The following ZNF138 variants were observed in gnomAD, a reference collection of about 807,000 sequenced individuals.
The protein encoded by ZNF138 is zinc finger protein 138 (clone pHZ-32).
ZNF138 carries 33 observed loss-of-function variants against 33.0 expected under a neutral mutation model. The observed-to-expected ratio is 1.00, with a 90% CI of 0.76 to 1.34. ZNF138 has a LOEUF of 1.34. Among genes scored for constraint, ZNF138 ranks in the 40% most tolerant of loss-of-function variants. The pLI, the probability that ZNF138 is intolerant of heterozygous loss-of-function variation, is 0.00. For missense variants in ZNF138, 360 were observed against 370.8 expected, an observed-to-expected ratio of 0.97 and a Z score of 0.24; for synonymous variants, 139 against 120.4, an observed-to-expected ratio of 1.15 and a Z score of -1.01.
At chr7:64,831,333 G>A (rs1790060906) in intron 3 of ZNF138, 118 bp from the exon 4 acceptor site, 1 of 993,728 alleles carries the variant, frequency 1.0e-6, no homozygotes. Flanking sequence ...TAGAACCTGT[G>A]GTATTTTGCT....
Position 64,832,710 on chromosome 7 carries a change from C to G in ZNF138, c.*508C>G, listed in dbSNP as rs761944874. On this transcript the variant is annotated 3_prime_UTR_variant, in exon 4 of 4. Transcript: ENST00000307355. ...CAAGGTCTTTAAGAAGTCCTCAACT[C>G]TTACTGCACATAAGATCATTCATAC... is the stretch of plus-strand genomic sequence containing the variant. 2 of 435,704 alleles carry G rather than the reference C, an allele frequency of 4.6e-6. No individual in the cohort carries two copies. Among genetic ancestry groups the G allele is most frequent in the South Asian group, 1.8e-5 (1 of 54,414 alleles). The allele number at this position is 435,704 out of a possible 1,614,324, so 27.0% of individuals were successfully genotyped here. A position where few individuals can be genotyped will look rare whatever the true frequency, so the allele number is the denominator to read the frequency against.
At position 64,833,048 on chromosome 7, in the gene ZNF138, T is replaced by TA. The variant is rs564390717; in HGVS notation, c.*847dup. On this transcript the variant is annotated 3_prime_UTR_variant, in exon 4 of 4. Coordinates refer to ENST00000307355, the MANE Select transcript of ZNF138 (RefSeq NM_001271639.2). ...AAGCTTTTAACCAAGTCTCAACACTTACTATACATAAGATAATTTATACTG... is the reference window on the plus strand; with the variant it reads ...AAGCTTTTAACCAAGTCTCAACACTTAACTATACATAAGATAATTTATACTG... 1.0e-4 allele frequency: 40 copies of TA among 386,084 alleles called. No individual in the cohort carries two copies. Among genetic ancestry groups the TA allele is most frequent in the African/African-American group, 6.5e-4 (31 of 47,736 alleles). 23.9% of individuals were successfully genotyped at this position (386,084 alleles called of 1,614,324 possible).
intron 1 of ZNF138, among the ~76,000 whole-genome samples, chr7:64,801,268 AG>A (rs1345287702): frequency 6.6e-6 from 1 of 151,966 alleles, no homozygotes; most frequent in African/African-American, 2.4e-5. Flanking sequence ...TGTTAAATTG[AG>A]ATCTTTTTAA....
chr7:64,852,407 C>T, the ZNF138 span: 1 of 1,545,924 alleles, frequency 6.5e-7, no homozygotes, highest in Non-Finnish European at 8.8e-7. Flanking sequence ...AGAGGTGGCC[C>T]CGGGTGTGGG....
At chr7:64,817,053 T>G (rs1483004254) in intron 3 of ZNF138, among the ~76,000 whole-genome samples, 1 of 152,230 alleles carries the variant, frequency 6.6e-6, no homozygotes, top group Non-Finnish European at 1.5e-5. Flanking sequence ...GGTCTGCATA[T>G]GGTGGGCCTT....
intron 1 of ZNF138, among the ~76,000 whole-genome samples, chr7:64,798,059 G>T (rs1352575928): frequency 6.6e-6 from 1 of 152,128 alleles, no homozygotes; most frequent in East Asian, 1.9e-4. Flanking sequence ...TCATGCCACA[G>T]CCTCCTGAGA....
chr7:64,854,234 C>T, the ZNF138 span, among the ~76,000 whole-genome samples: 1 of 152,150 alleles, frequency 6.6e-6, no homozygotes, highest in Non-Finnish European at 1.5e-5. Flanking sequence ...CACACACACA[C>T]ATACATATGT....
intron 1 of ZNF138, among the ~76,000 whole-genome samples, chr7:64,808,119 C>CT (rs1355025128): frequency 6.6e-6 from 1 of 152,170 alleles, no homozygotes; most frequent in Admixed American, 6.5e-5. Context: ...CTAGGCATCT[C>CT]TGAGACATTT....
intron 1 of ZNF138, among the ~76,000 whole-genome samples, chr7:64,803,436 T>C (rs1464493581): frequency 6.6e-6 from 1 of 152,158 alleles, no homozygotes; most frequent in Non-Finnish European, 1.5e-5. Flanking sequence ...GAAAACAGAT[T>C]ATCCAAGGTA....
downstream of ZNF138, among the ~76,000 whole-genome samples, chr7:64,834,722 A>G (rs1179671220): frequency 1.3e-5 from 2 of 152,202 alleles, no homozygotes; most frequent in Admixed American, 1.3e-4. Context: ...GATGCATGAC[A>G]AAAGTCTAAG....
chr7:64,814,811 A>G (rs969109082), intron 1 of ZNF138, 107 bp from the exon 2 acceptor site: 1 of 1,428,344 alleles, frequency 7.0e-7, no homozygotes, highest in South Asian at 1.2e-5. Flanking sequence ...CCTGTAAGAC[A>G]TAATCAGTTT....
intron 1 of ZNF138, among the ~76,000 whole-genome samples, chr7:64,795,414 A>T (rs922581590): frequency 4.6e-5 from 7 of 152,090 alleles, no homozygotes; most frequent in Admixed American, 1.3e-4. Flanking sequence ...CCCATTTCCC[A>T]TTCCTTCAGC....
At chr7:64,813,473 G>A (rs560723285) in intron 1 of ZNF138, among the ~76,000 whole-genome samples, 24 of 146,022 alleles carry the variant, frequency 1.6e-4, no homozygotes, top group Non-Finnish European at 3.4e-4. Context: ...TCGCGCTGTC[G>A]CCCAGGCTGG....
At chr7:64,847,332 A>ATATTTTTTTTT in the ZNF138 span, among the ~76,000 whole-genome samples, 1 of 128,140 alleles carries the variant, frequency 7.8e-6, no homozygotes, top group Non-Finnish European at 1.6e-5. Flanking sequence ...ATATATATAT[A>ATATTTTTTTTT]TTTTTTTTTT....
At chr7:64,834,447 A>G (rs1279930367), downstream of ZNF138, among the ~76,000 whole-genome samples, 1 of 152,240 alleles carries the variant, frequency 6.6e-6, no homozygotes, top group African/African-American at 2.4e-5. Flanking sequence ...TTATTTGTAC[A>G]TAACTTTAAA....
chr7:64,828,182 G>GTT (rs76909260), intron 3 of ZNF138, among the ~76,000 whole-genome samples: 46,255 of 150,866 alleles, frequency 0.31, 7,901 homozygotes, highest in Non-Finnish European at 0.38. Flanking sequence ...CATAATTCTG[G>GTT]TTTTTTTTTA....
the ZNF138 span, among the ~76,000 whole-genome samples, chr7:64,854,876 C>T: frequency 1.3e-5 from 2 of 152,126 alleles, no homozygotes; most frequent in Non-Finnish European, 2.9e-5. Context: ...AAAATGCATA[C>T]TATATACATA....
intron 1 of ZNF138, among the ~76,000 whole-genome samples, chr7:64,799,030 G>C (rs1266917380): frequency 6.6e-6 from 1 of 151,796 alleles, no homozygotes; most frequent in African/African-American, 2.4e-5. Context: ...GGCTATTCAG[G>C]CTCTTTGTTG....
At chr7:64,815,123 T>C in intron 2 of ZNF138, 79 bp downstream of exon 2, 7 of 1,341,434 alleles carry the variant, frequency 5.2e-6, no homozygotes, top group Non-Finnish European at 6.9e-6. Flanking sequence ...GAATGTCTTT[T>C]GGTAATTTAT....
Sources: allele counts gnomAD v4.1 joint callset (sites outside exome capture counted in the v4.1 genomes callset), GRCh38; gene constraint gnomAD v4.1.1; transcripts MANE v1.5; gene names NCBI Gene and HGNC (gene_info 2026-07-23, HGNC 2026-07-21).